The following ETNK1 variants were observed in gnomAD, a reference collection of about 807,000 sequenced individuals.
ETNK1 encodes the protein putative protein product of Nbla10396.
Under a neutral mutation model 45.1 loss-of-function variants are expected in ETNK1, and 8 were observed. That is an observed-to-expected ratio of 0.18 (90% CI 0.10 to 0.32). The LOEUF (loss-of-function observed/expected upper bound fraction) is 0.32. Among genes scored for constraint, ETNK1 ranks in the 10% least tolerant of loss-of-function variants. The pLI is 1.00. For synonymous variants in ETNK1, 152 were observed against 151.9 expected (o/e 1.00, Z -0.01); for missense variants, 302 against 430.6 (o/e 0.70, Z 2.64).
intron 2 of ETNK1, among the ~76,000 whole-genome samples, chr12:22,648,567 T>G (rs11046516): frequency 0.047 from 7,180 of 152,106 alleles, 556 homozygotes; most frequent in African/African-American, 0.16. Context: ...TTTTTAGGGT[T>G]CTGAATAATG....
Position 22,688,533 on chromosome 12 carries a change from G to T in ETNK1, c.*3579G>T, listed in dbSNP as rs1002023170. 1 of 152,222 alleles carries T rather than the reference G, an allele frequency of 6.6e-6. No individual in the cohort carries two copies. Among genetic ancestry groups the T allele is most frequent in the African/African-American group, 2.4e-5 (1 of 41,404 alleles). The allele number at this position is 152,222 out of a possible 1,614,324, so 9.4% of individuals were successfully genotyped here. ...ACGAATTTCTGTCTTCATAATATAA[G>T]TGAAAATACTGTCATTTCAATTTTC... On this transcript the variant is annotated 3_prime_UTR_variant, in exon 8 of 8. Transcript: ENST00000266517.
At chr12:22,631,348 T>A (rs990479194) in intron 1 of ETNK1, among the ~76,000 whole-genome samples, 1 of 152,032 alleles carries the variant, frequency 6.6e-6, no homozygotes, top group Non-Finnish European at 1.5e-5. Flanking sequence ...CTAATTTTTG[T>A]GTTTTTAGTA....
chr12:22,662,183 T>A (rs1031954707), intron 4 of ETNK1, among the ~76,000 whole-genome samples: 1 of 148,114 alleles, frequency 6.8e-6, no homozygotes, highest in Non-Finnish European at 1.5e-5. Flanking sequence ...TTCTCCTGCC[T>A]CAGCCTCCTG....
chr12:22,685,131 A>T lies in ETNK1; in HGVS notation c.*177A>T. 1.9e-6 allele frequency: 1 copy of T among 519,204 alleles called. No individual in the cohort carries two copies. The highest frequency in any genetic ancestry group is 3.1e-5 in the East Asian group (1 of 32,336). The allele number at this position is 519,204 out of a possible 1,614,324, so 32.2% of individuals were successfully genotyped here. On this transcript the variant is annotated 3_prime_UTR_variant, in exon 8 of 8. Transcript: ENST00000266517. Reference sequence around the variant, plus strand: ...GAAATAGACTGAATGATGTCAAGAAATATACCTACTGCTATCCGTATGTGG... The same window carrying T: ...GAAATAGACTGAATGATGTCAAGAATTATACCTACTGCTATCCGTATGTGG...
At chr12:22,684,171 AT>A (rs972198957) in intron 6 of ETNK1, among the ~76,000 whole-genome samples, 2 of 152,190 alleles carry the variant, frequency 1.3e-5, no homozygotes, top group African/African-American at 4.8e-5. Flanking sequence ...AATTATAACC[AT>A]TAAAAACACT....
At chr12:22,661,636 C>T (rs1954000083) in intron 4 of ETNK1, among the ~76,000 whole-genome samples, 1 of 152,086 alleles carries the variant, frequency 6.6e-6, no homozygotes, top group Admixed American at 6.6e-5. Flanking sequence ...GTATTAAAAA[C>T]AAATGTGTCT....
chr12:22,681,205 TG>T (rs75859414), intron 6 of ETNK1, among the ~76,000 whole-genome samples: 36,035 of 151,910 alleles, frequency 0.24, 4,982 homozygotes, highest in Non-Finnish European at 0.32. Flanking sequence ...CCTATAAAAA[TG>T]GTTGCCTACA....
intron 2 of ETNK1, among the ~76,000 whole-genome samples, chr12:22,649,312 TCTC>T (rs1469631630): frequency 6.6e-6 from 1 of 152,096 alleles, no homozygotes; most frequent in Non-Finnish European, 1.5e-5. Flanking sequence ...ATCTACATTT[TCTC>T]CTATGTTATC....
intron 2 of ETNK1, 164 bp downstream of exon 2, chr12:22,644,186 G>T (rs1735494567): frequency 6.4e-7 from 1 of 1,564,924 alleles, no homozygotes; most frequent in South Asian, 1.2e-5. Context: ...TAAAAAGATA[G>T]AAGTAAATTT....
chr12:22,629,615 C>T (rs945895551), intron 1 of ETNK1, among the ~76,000 whole-genome samples: 2 of 152,126 alleles, frequency 1.3e-5, no homozygotes, highest in African/African-American at 4.8e-5. Flanking sequence ...TATGTCTCCA[C>T]TAGTGTTCTG....
chr12:22,673,447 G>T, intron 5 of ETNK1, 53 bp from the exon 6 acceptor site: 2 of 1,421,198 alleles, frequency 1.4e-6, no homozygotes, highest in South Asian at 1.4e-5. Flanking sequence ...ATTAAGGTAT[G>T]CAGAAGAGTT....
chr12:22,625,279 G>A lies in ETNK1; in HGVS notation c.-152G>A, dbSNP rs764257106. 1.1e-5 allele frequency: 18 copies of A among 1,608,554 alleles called. No homozygotes were observed. The Admixed American group carries it at 2.2e-4, about 19-fold the overall frequency. ...ATCGGCAACAGTGCCGCCTCCAGAC[G>A]TTCTCCTGCCGCTCGCCCGCCCGTC... On this transcript the variant is annotated 5_prime_UTR_variant, in exon 1 of 8. Coordinates refer to ENST00000266517, the MANE Select transcript of ETNK1 (RefSeq NM_018638.5).
chr12:22,635,444 A>G (rs1488267076), intron 1 of ETNK1, among the ~76,000 whole-genome samples: 2 of 152,214 alleles, frequency 1.3e-5, no homozygotes, highest in Non-Finnish European at 2.9e-5. Flanking sequence ...GTGTAAGTAA[A>G]GCGTTGTTCC....
At chr12:22,671,788 G>A (rs1954109856) in intron 5 of ETNK1, among the ~76,000 whole-genome samples, 1 of 147,840 alleles carries the variant, frequency 6.8e-6, no homozygotes, top group Non-Finnish European at 1.5e-5. Flanking sequence ...GCAGTGAGCC[G>A]AGATCGCGCT....
At chr12:22,635,311 G>A (rs755538361) in intron 1 of ETNK1, among the ~76,000 whole-genome samples, 2 of 152,212 alleles carry the variant, frequency 1.3e-5, no homozygotes, top group Non-Finnish European at 2.9e-5. Flanking sequence ...GACAGGGTTG[G>A]TCTGCTGTAG....
intron 1 of ETNK1, among the ~76,000 whole-genome samples, chr12:22,627,556 T>C (rs1953518676): frequency 6.6e-6 from 1 of 152,112 alleles, no homozygotes; most frequent in Non-Finnish European, 1.5e-5. Flanking sequence ...TTCTAGGTCA[T>C]TGCAAACACT....
At chr12:22,636,932 G>A (rs1436606068) in intron 1 of ETNK1, among the ~76,000 whole-genome samples, 2 of 152,188 alleles carry the variant, frequency 1.3e-5, no homozygotes, top group African/African-American at 4.8e-5. Flanking sequence ...TAACAGGCTT[G>A]AGCATTTGTA....
At chr12:22,646,005 T>A (rs1169284976) in intron 2 of ETNK1, among the ~76,000 whole-genome samples, 1 of 151,822 alleles carries the variant, frequency 6.6e-6, no homozygotes, top group Non-Finnish European at 1.5e-5. Context: ...AAGTGATACA[T>A]TGAATTGCCC....
chr12:22,662,442 T>C (rs1415668063), intron 4 of ETNK1, among the ~76,000 whole-genome samples: 1 of 147,290 alleles, frequency 6.8e-6, no homozygotes, highest in Non-Finnish European at 1.5e-5. Flanking sequence ...CACCCAGGCC[T>C]GGAATGCAGT....
Sources: gnomAD v4.1 joint callset for allele counts (sites outside exome capture counted in the v4.1 genomes callset) on GRCh38, gnomAD v4.1.1 for gene constraint, MANE v1.5 for transcripts, NCBI Gene and HGNC (gene_info 2026-07-23, HGNC 2026-07-21) for gene names.